The following NOTCH2 variants were observed in gnomAD, a reference collection of about 807,000 sequenced individuals.
NOTCH2 encodes neurogenic locus notch homolog protein 2.
NOTCH2 carries 29 observed loss-of-function variants against 235.8 expected under a neutral mutation model. The observed-to-expected ratio is 0.12, with a 90% CI of 0.09 to 0.17. The LOEUF (loss-of-function observed/expected upper bound fraction) is 0.17, where lower values mean the gene tolerates loss of function less well. NOTCH2 is among the 10% of genes least tolerant of loss of function. The pLI is 1.00. For synonymous variants in NOTCH2, 1,086 were observed against 1,141.5 expected, an observed-to-expected ratio of 0.95 and a Z score of 0.98; for missense variants, 2,285 against 3,150.2, an observed-to-expected ratio of 0.73 and a Z score of 6.57.
intron 4 of NOTCH2, among the ~76,000 whole-genome samples, chr1:119,987,324 A>C (rs1201206443): frequency 6.6e-6 from 1 of 152,160 alleles, no homozygotes; most frequent in African/African-American, 2.4e-5. Context: ...CCTCACAAGT[A>C]TTTCAAAATG....
At position 119,937,762 on chromosome 1, in the gene NOTCH2, CCCTCTTATT is replaced by C; in HGVS notation, c.3337+86_3337+94del. 5 of 1,418,706 alleles carry C rather than the reference CCCTCTTATT, an allele frequency of 3.5e-6. No individual in the cohort carries two copies. In the South Asian group the frequency reaches 6.0e-5, roughly 17 times the overall value. The allele number at this position is 1,418,706 out of a possible 1,614,324, so 87.9% of individuals were successfully genotyped here. On this transcript the variant is annotated intron_variant, in intron 20 of 33. Transcript: ENST00000256646. ...TGCCCACCCACTACTATCTGCCCTT[CCCTCTTATT>C]CCACAAAAAAATGATACCTTCTCTA... is the stretch of plus-strand genomic sequence containing the variant.
At chr1:120,013,871 TAG>T (rs1398160800) in intron 2 of NOTCH2, among the ~76,000 whole-genome samples, 1 of 151,624 alleles carries the variant, frequency 6.6e-6, no homozygotes, top group East Asian at 1.9e-4. Context: ...TGAATTTGGT[TAG>T]AGAGTGAAAA....
At chr1:119,968,781 T>C (rs964997156) in intron 6 of NOTCH2, among the ~76,000 whole-genome samples, 1 of 152,198 alleles carries the variant, frequency 6.6e-6, no homozygotes, top group African/African-American at 2.4e-5. Context: ...AAGATATTAC[T>C]AGGCTTCCTG....
chr1:119,997,210 C>T lies in NOTCH2; in HGVS notation c.538G>A (p.Glu180Lys), dbSNP rs1346622102. Residue 180 changes from glutamate (E) to lysine (K), a missense_variant, in exon 4 of 34, where the codon GAG (glutamate) becomes AAG (lysine). Transcript: ENST00000256646. ...CLTGFTGQKC[E>K]TDVNECDIPG... is the part of the protein sequence containing the mutation. ...ATGTCACACTCATTGACATCAGTCT[C>T]ACATTTCTGCCCTGTGAAGCCTGTG... is the stretch of plus-strand genomic sequence containing the variant. The T allele has an allele frequency of 1.2e-6, 2 of 1,614,036 alleles. No homozygotes were observed. Among genetic ancestry groups the T allele is most frequent in the Non-Finnish European group, 1.7e-6 (2 of 1,179,874 alleles).
At chr1:119,932,278 T>C (rs1649691557) in intron 22 of NOTCH2, among the ~76,000 whole-genome samples, 1 of 152,088 alleles carries the variant, frequency 6.6e-6, no homozygotes, top group Non-Finnish European at 1.5e-5. Context: ...GGGAATTCTG[T>C]AGCTATAAAA....
Position 119,941,640 on chromosome 1 carries a change from T to G in NOTCH2, c.2867A>C (p.Glu956Ala). Residue 956 changes from glutamate (E) to alanine (A), a missense_variant, in exon 18 of 34, where the codon GAA becomes GCA. Transcript: ENST00000256646. The part of the protein sequence containing the change: ...CQTDMNECLS[E>A]PCKNGGTCSD... ...GCAGGTCCCTCCATTCTTACAGGGT[T>G]CACTCAGACACTCATTCATGTCTGT... is the stretch of plus-strand genomic sequence containing the variant. 6.2e-7 allele frequency: 1 copy of G among 1,614,158 alleles called. No homozygotes were observed. The highest frequency in any genetic ancestry group is 8.5e-7 in the Non-Finnish European group (1 of 1,179,982).
intron 5 of NOTCH2, among the ~76,000 whole-genome samples, chr1:119,975,644 CAAAAAA>C (rs11316344): frequency 1.0e-5 from 1 of 99,742 alleles, no homozygotes; most frequent in Non-Finnish European, 2.1e-5. Flanking sequence ...GACTCCATCT[CAAAAAA>C]AAAAAAAAAA....
chr1:119,920,523 C>A (rs1649247391), intron 29 of NOTCH2, 126 bp from the exon 30 acceptor site: 2 of 1,052,902 alleles, frequency 1.9e-6, no homozygotes, highest in Admixed American at 3.8e-5. Context: ...ACTCCTCCAC[C>A]CCTCCAGAGG....
chr1:120,029,271 G>A (rs1286173530), intron 2 of NOTCH2, among the ~76,000 whole-genome samples: 1 of 151,168 alleles, frequency 6.6e-6, no homozygotes, highest in Non-Finnish European at 1.5e-5. Flanking sequence ...CAAGATAATA[G>A]GTAACATGTT....
intron 3 of NOTCH2, among the ~76,000 whole-genome samples, chr1:119,999,964 AAAGAAAGAAAGAAAGGAAGG>A (rs1266026440): frequency 3.0e-3 from 382 of 126,824 alleles, no homozygotes; most frequent in African/African-American, 9.9e-3. Context: ...AGAAAGAAAG[AAAGAAAGAAAGAAAGGAAGG>A]AAGGAAGGAA....
chr1:119,965,490 G>A lies in NOTCH2; in HGVS notation c.1644C>T (p.Ile548=), dbSNP rs782665988. Residue 548 remains isoleucine, a synonymous_variant, in exon 10 of 34, where the codon ATC becomes ATT. Transcript: ENST00000256646. The part of the protein sequence containing the change: ...STPCLNGAKC[I]DHPNGYECQC... ...GGCATTCATAGCCATTCGGGTGATC[G>A]ATACACTTTGCCCCATTCAGACACG... 19 of 1,613,792 alleles carry A rather than the reference G, an allele frequency of 1.2e-5. No homozygotes were observed. The highest frequency in any genetic ancestry group is 6.7e-5 in the East Asian group (3 of 44,900).
At chr1:120,027,943 G>C (rs1196943988) in intron 2 of NOTCH2, among the ~76,000 whole-genome samples, 1 of 138,636 alleles carries the variant, frequency 7.2e-6, no homozygotes, top group Non-Finnish European at 1.5e-5. Context: ...ACACACATGT[G>C]CATGTGTCCT....
intron 5 of NOTCH2, among the ~76,000 whole-genome samples, chr1:119,975,052 A>G (rs587707361): frequency 1.4e-4 from 21 of 152,338 alleles, no homozygotes; most frequent in African/African-American, 3.8e-4. Context: ...CCAACTTTGC[A>G]CAGTTAGTTG....
intron 2 of NOTCH2, among the ~76,000 whole-genome samples, chr1:120,020,610 A>ACAGT (rs1653606556): frequency 3.5e-5 from 1 of 28,796 alleles, no homozygotes; most frequent in East Asian, 9.3e-4. Context: ...AATACCCAGT[A>ACAGT]CAGTGATCAG....
chr1:119,986,373 A>C (rs1553202219), intron 5 of NOTCH2, among the ~76,000 whole-genome samples: 1 of 152,210 alleles, frequency 6.6e-6, no homozygotes, highest in East Asian at 1.9e-4. Flanking sequence ...ATTAAGCAAG[A>C]CTACCCTTCT....
chr1:119,986,999 C>T lies in NOTCH2; in HGVS notation c.835G>A (p.Val279Ile), dbSNP rs1553202295. Residue 279 changes from valine to isoleucine, a missense_variant, in exon 5 of 34, where the codon GTC becomes ATC. By Grantham distance (29) the Val-to-Ile change is conservative. Around this residue, in one of 6 missense-constraint regions of NOTCH2, gnomAD observed 431 missense variants for 757.8 expected, o/e 0.57. Transcript: ENST00000256646. ...CQNGGVCVDG[V>I]NTYNCRCPPQ... ...GGACAGCGGCAGTTGTAAGTGTTGACCCCATCCACACAAACCCCTCCATTC... is the reference window on the plus strand; with the variant it reads ...GGACAGCGGCAGTTGTAAGTGTTGATCCCATCCACACAAACCCCTCCATTC... The T allele has an allele frequency of 1.2e-6, 2 of 1,613,728 alleles. No individual in the cohort carries two copies. Among genetic ancestry groups the T allele is most frequent in the Non-Finnish European group, 1.7e-6 (2 of 1,179,712 alleles).
intron 4 of NOTCH2, 124 bp from the exon 5 acceptor site, chr1:119,987,206 C>T: frequency 9.0e-7 from 1 of 1,106,834 alleles, no homozygotes; most frequent in South Asian, 1.3e-5. Context: ...CAGCTGCTCA[C>T]CCAGGACTCA....
At chr1:119,969,233 G>T (rs1462413438) in intron 6 of NOTCH2, among the ~76,000 whole-genome samples, 2 of 152,166 alleles carry the variant, frequency 1.3e-5, no homozygotes, top group African/African-American at 4.8e-5. Context: ...AGATCTTAAG[G>T]ACTTCAGCAG....
At chr1:119,939,529 A>T (rs1250975731) in intron 19 of NOTCH2, among the ~76,000 whole-genome samples, 2 of 152,232 alleles carry the variant, frequency 1.3e-5, no homozygotes, top group African/African-American at 4.8e-5. Context: ...CCTGTTAATA[A>T]GCCTAAAACC....
Sources: allele counts gnomAD v4.1 joint callset (sites outside exome capture counted in the v4.1 genomes callset), GRCh38; gene constraint gnomAD v4.1.1; regional missense constraint gnomAD v4.1.1; transcripts MANE v1.5; gene names NCBI Gene and HGNC (gene_info 2026-07-23, HGNC 2026-07-21).